Variants in ZBTB16 observed in about 807,000 individuals in gnomAD.
The protein encoded by ZBTB16 is zinc finger and BTB domain-containing protein 16.
ZBTB16 carries 8 observed loss-of-function variants against 56.8 expected under a neutral mutation model. The ratio of observed to expected loss-of-function variants is 0.14; its 90% CI spans 0.08 to 0.25. The LOEUF (loss-of-function observed/expected upper bound fraction) is 0.25, where lower values mean the gene tolerates loss of function less well. Ranked by LOEUF, ZBTB16 falls within the 10% of genes least tolerant of loss-of-function variation. ZBTB16 has a pLI of 1.00. For missense variants in ZBTB16, 625 were observed against 903.0 expected, an observed-to-expected ratio of 0.69 and a Z score of 3.95; for synonymous variants, 363 against 368.5, an observed-to-expected ratio of 0.98 and a Z score of 0.17.
At chr11:114,136,261 G>A (rs60065297) in intron 2 of ZBTB16, among the ~76,000 whole-genome samples, 34 of 152,194 alleles carry the variant, frequency 2.2e-4, no homozygotes, top group East Asian at 9.7e-4. Flanking sequence ...GTACTATCTC[G>A]GCATTTTGCA....
intron 2 of ZBTB16, among the ~76,000 whole-genome samples, chr11:114,113,144 C>G (rs531610235): frequency 1.3e-5 from 2 of 152,316 alleles, no homozygotes; most frequent in East Asian, 3.9e-4. Context: ...CTCTGCATGT[C>G]TAATCTTTCT....
intron 2 of ZBTB16, among the ~76,000 whole-genome samples, chr11:114,130,651 C>T (rs1941636000): frequency 6.6e-6 from 1 of 152,232 alleles, no homozygotes; most frequent in Non-Finnish European, 1.5e-5. Context: ...AGACAGCATC[C>T]AGTGAGGTGA....
intron 4 of ZBTB16, chr11:114,188,764 A>G (rs641566): frequency 0.62 from 94,920 of 152,070 alleles, 30,520 homozygotes; most frequent in African/African-American, 0.77. Context: ...GTCTGCTTAT[A>G]CATATTAAGT....
At chr11:114,230,046 G>T (rs1944405806) in intron 4 of ZBTB16, among the ~76,000 whole-genome samples, 1 of 152,166 alleles carries the variant, frequency 6.6e-6, no homozygotes, top group Non-Finnish European at 1.5e-5. Flanking sequence ...AAGGGTGAAC[G>T]TTGGTGGTCC....
At chr11:114,163,550 T>A (rs986792278) in intron 3 of ZBTB16, among the ~76,000 whole-genome samples, 9 of 152,180 alleles carry the variant, frequency 5.9e-5, no homozygotes, top group African/African-American at 1.9e-4. Context: ...GCTGCGGTTT[T>A]GCGTGCCTGG....
chr11:114,188,975 C>T (rs1175313089), intron 4 of ZBTB16: 1 of 152,174 alleles, frequency 6.6e-6, no homozygotes, highest in Non-Finnish European at 1.5e-5. Context: ...TGAGCATTTG[C>T]AGAAGCCCTG....
At chr11:114,217,235 A>G (rs926655100) in intron 4 of ZBTB16, among the ~76,000 whole-genome samples, 3 of 152,210 alleles carry the variant, frequency 2.0e-5, no homozygotes, top group African/African-American at 7.2e-5. Context: ...GATTTTATCC[A>G]CAGATGACAA....
chr11:114,081,406 A>C (rs1348458669), intron 2 of ZBTB16, among the ~76,000 whole-genome samples: 1 of 120,784 alleles, frequency 8.3e-6, no homozygotes, highest in Non-Finnish European at 1.8e-5. Context: ...TAAAATATGT[A>C]TGTTGATATC....
rs116919534 is a variant in ZBTB16, at chr11:114,080,327, C to T, written c.1268+15759C>T. 1.9e-3 allele frequency among the ~76,000 whole-genome samples: 296 copies of T among 152,220 alleles called. 9 individuals are homozygous for T. The East Asian group carries it at 0.048, about 25-fold the overall frequency. ...TTTTCCTCTCCATTGAACCAACACT[C>T]GCCCATCCACTGAGCCCAAGATTCA... On this transcript the variant is annotated intron_variant, in intron 2 of 6. Coordinates refer to ENST00000335953, the MANE Select transcript of ZBTB16 (RefSeq NM_006006.6).
At chr11:114,227,223 G>A (rs911308711) in intron 4 of ZBTB16, among the ~76,000 whole-genome samples, 1 of 152,122 alleles carries the variant, frequency 6.6e-6, no homozygotes, top group Non-Finnish European at 1.5e-5. Flanking sequence ...GAAGACAGTG[G>A]CCCATCACCC....
At chr11:114,226,579 C>T (rs1208416763) in intron 4 of ZBTB16, among the ~76,000 whole-genome samples, 2 of 152,180 alleles carry the variant, frequency 1.3e-5, no homozygotes, top group African/African-American at 4.8e-5. Context: ...TTCTACTTCA[C>T]GTTTCCTTTT....
At chr11:114,164,479 T>C (rs1224581969) in intron 3 of ZBTB16, among the ~76,000 whole-genome samples, 3 of 152,202 alleles carry the variant, frequency 2.0e-5, no homozygotes, top group African/African-American at 4.8e-5. Context: ...CTGCCATCCT[T>C]CCTACGTTCT....
chr11:114,216,011 T>C (rs1278042233), intron 4 of ZBTB16, among the ~76,000 whole-genome samples: 3 of 151,996 alleles, frequency 2.0e-5, no homozygotes, highest in South Asian at 2.1e-4. Flanking sequence ...TGTGGGAGCG[T>C]TGATGAAGGA....
chr11:114,157,535 C>CG (rs990950005), intron 3 of ZBTB16, among the ~76,000 whole-genome samples: 1 of 152,140 alleles, frequency 6.6e-6, no homozygotes, highest in Non-Finnish European at 1.5e-5. Flanking sequence ...CCTGTTGCCC[C>CG]GGGGGGCGTG....
intron 4 of ZBTB16, among the ~76,000 whole-genome samples, chr11:114,230,245 C>T (rs769676800): frequency 3.9e-5 from 6 of 152,186 alleles, no homozygotes; most frequent in Non-Finnish European, 8.8e-5. Context: ...CACACACATG[C>T]ACACACATGC....
At chr11:114,169,611 G>C (rs1942896869) in intron 3 of ZBTB16, among the ~76,000 whole-genome samples, 1 of 152,212 alleles carries the variant, frequency 6.6e-6, no homozygotes, top group South Asian at 2.1e-4. Context: ...GGTGGACAGA[G>C]GGGTTGAAGC....
At chr11:114,120,881 T>C (rs1436598249) in intron 2 of ZBTB16, among the ~76,000 whole-genome samples, 1 of 152,168 alleles carries the variant, frequency 6.6e-6, no homozygotes, top group Non-Finnish European at 1.5e-5. Context: ...CTGTCTCCTC[T>C]TCAGCCTTTT....
chr11:114,255,389 T>C lies in ZBTB16; in HGVS notation c.*4834T>C, dbSNP rs1944982785. Among the ~76,000 whole-genome samples the C allele has an allele frequency of 6.7e-6, 1 of 150,224 alleles. No individual in the cohort carries two copies. The highest frequency in any genetic ancestry group is 2.4e-5 in the African/African-American group (1 of 41,032). The stretch of plus-strand genomic sequence containing the variant: ...AATTTTGTTTCTTCAATTTTACTGG[T>C]TACTTTTTTGTACAAATCAATCTCT... On this transcript the variant is annotated 3_prime_UTR_variant, in exon 7 of 7. Transcript: ENST00000335953.
chr11:114,180,422 T>C (rs977062065), intron 3 of ZBTB16, among the ~76,000 whole-genome samples: 1 of 152,172 alleles, frequency 6.6e-6, no homozygotes, highest in African/African-American at 2.4e-5. Context: ...GCTCACTGAC[T>C]GTAGCGGAGG....
Sources: gnomAD v4.1 joint callset for allele counts (sites outside exome capture counted in the v4.1 genomes callset) on GRCh38, gnomAD v4.1.1 for gene constraint, MANE v1.5 for transcripts, NCBI Gene and HGNC (gene_info 2026-07-23, HGNC 2026-07-21) for gene names.